Variants in ERBB4 observed in about 807,000 individuals in gnomAD.
The protein encoded by ERBB4 is erb-b2 receptor tyrosine kinase 4.
Under a neutral mutation model 158.0 loss-of-function variants are expected in ERBB4, and 42 were observed. That is an observed-to-expected ratio of 0.27 (90% confidence interval 0.21 to 0.34). ERBB4 has a LOEUF of 0.34. ERBB4 is among the 10% of genes least tolerant of loss of function. ERBB4 has a pLI of 1.00. For synonymous variants in ERBB4, 583 were observed against 558.7 expected (o/e 1.04, Z -0.61); for missense variants, 1,333 against 1,624.1 (o/e 0.82, Z 3.08).
Position 211,866,048 on chromosome 2 carries a change from G to A in ERBB4, c.422-77889C>T, listed in dbSNP as rs572010204. Among the ~76,000 whole-genome samples the A allele has an allele frequency of 3.3e-5, 5 of 152,184 alleles. No individual in the cohort carries two copies. The East Asian group carries it at 9.7e-4, about 29-fold the overall frequency. On this transcript the variant is annotated intron_variant, in intron 3 of 27. Coordinates refer to ENST00000342788, the MANE Select transcript of ERBB4 (RefSeq NM_005235.3). Reference sequence around the variant, plus strand: ...GACCTATAAAAACTATCAGGAGAACGAGACCATCCTGGCTAACACAGTGAA... The same window carrying A: ...GACCTATAAAAACTATCAGGAGAACAAGACCATCCTGGCTAACACAGTGAA...
intron 1 of ERBB4, among the ~76,000 whole-genome samples, chr2:212,441,082 T>C (rs774776624): frequency 3.3e-5 from 5 of 152,272 alleles, no homozygotes; most frequent in Non-Finnish European, 7.4e-5. Flanking sequence ...CAAGTGTTTA[T>C]TGTTAAAGTG....
chr2:211,907,519 G>T, intron 3 of ERBB4, among the ~76,000 whole-genome samples: 1 of 150,848 alleles, frequency 6.6e-6, no homozygotes, highest in African/African-American at 2.4e-5. Context: ...GTGATTATTT[G>T]TCTTGGAAGA....
At chr2:211,470,034 C>T (rs556757818) in intron 20 of ERBB4, among the ~76,000 whole-genome samples, 1 of 151,932 alleles carries the variant, frequency 6.6e-6, no homozygotes, top group Non-Finnish European at 1.5e-5. Context: ...TAGGTTCTTT[C>T]CTTTTATTTA....
chr2:212,070,105 G>C (rs1415806895), intron 2 of ERBB4, among the ~76,000 whole-genome samples: 2 of 151,924 alleles, frequency 1.3e-5, no homozygotes, highest in African/African-American at 4.8e-5. Flanking sequence ...GGCTGACAGA[G>C]TAAGACCTTG....
chr2:211,658,908 C>G (rs541033282), intron 15 of ERBB4, among the ~76,000 whole-genome samples: 1 of 152,104 alleles, frequency 6.6e-6, no homozygotes, highest in East Asian at 1.9e-4. Context: ...TTATCTTTTC[C>G]TTTTCTCCCA....
At chr2:211,936,693 A>G (rs1446694196) in intron 3 of ERBB4, among the ~76,000 whole-genome samples, 1 of 152,116 alleles carries the variant, frequency 6.6e-6, no homozygotes, top group East Asian at 1.9e-4. Flanking sequence ...TAAGAGAACA[A>G]AGTTTAAGAA....
At chr2:212,259,973 G>A (rs538881207) in intron 1 of ERBB4, among the ~76,000 whole-genome samples, 1 of 151,884 alleles carries the variant, frequency 6.6e-6, no homozygotes, top group Non-Finnish European at 1.5e-5. Context: ...AGAGGCTGAG[G>A]CAGGAGAATC....
intron 4 of ERBB4, among the ~76,000 whole-genome samples, chr2:211,774,545 C>T (rs748984809): frequency 1.3e-5 from 2 of 152,132 alleles, no homozygotes; most frequent in South Asian, 2.1e-4. Context: ...GCTGAACCCT[C>T]GTCTGGCCAG....
At chr2:212,459,645 C>A (rs556915088) in intron 1 of ERBB4, among the ~76,000 whole-genome samples, 5 of 152,000 alleles carry the variant, frequency 3.3e-5, no homozygotes, top group African/African-American at 1.2e-4. Context: ...CTATCTTGAC[C>A]AAAAAAAGAA....
chr2:212,296,872 C>T (rs1298639410), intron 1 of ERBB4, among the ~76,000 whole-genome samples: 1 of 151,954 alleles, frequency 6.6e-6, no homozygotes, highest in Non-Finnish European at 1.5e-5. Context: ...GTCTTTGCAA[C>T]CCTCAAAACT....
intron 3 of ERBB4, among the ~76,000 whole-genome samples, chr2:211,851,852 A>G (rs1261285306): frequency 6.6e-6 from 1 of 151,868 alleles, no homozygotes; most frequent in Non-Finnish European, 1.5e-5. Context: ...AGCTAAAGAG[A>G]TATGAGCAAA....
At chr2:212,349,398 C>A (rs1433886997) in intron 1 of ERBB4, among the ~76,000 whole-genome samples, 1 of 151,968 alleles carries the variant, frequency 6.6e-6, no homozygotes, top group East Asian at 1.9e-4. Flanking sequence ...CATTTCCACA[C>A]ACTGGAAAGG....
At chr2:211,913,282 C>T (rs1390640077) in intron 3 of ERBB4, among the ~76,000 whole-genome samples, 1 of 151,958 alleles carries the variant, frequency 6.6e-6, no homozygotes, top group Admixed American at 6.6e-5. Flanking sequence ...CTTTTGAGGA[C>T]AATTTGTACA....
chr2:211,382,177 C>A lies in ERBB4; in HGVS notation c.*1438G>T. On this transcript the variant is annotated 3_prime_UTR_variant, in exon 28 of 28. Coordinates refer to ENST00000342788, the MANE Select transcript of ERBB4 (RefSeq NM_005235.3). Reference sequence around the variant, plus strand: ...GTTTGTGTTTTTCTTTTTATTATACCAATTTATGTGCAAAGAGTTACCTTC... The same window carrying A: ...GTTTGTGTTTTTCTTTTTATTATACAAATTTATGTGCAAAGAGTTACCTTC... The A allele has an allele frequency of 4.3e-6, 1 of 230,844 alleles. No homozygotes were observed. The highest frequency in any genetic ancestry group is 6.2e-5 in the East Asian group (1 of 16,246). The allele number at this position is 230,844 out of a possible 1,614,324, so 14.3% of individuals were successfully genotyped here.
At chr2:212,338,860 T>C (rs923843690) in intron 1 of ERBB4, among the ~76,000 whole-genome samples, 3 of 152,122 alleles carry the variant, frequency 2.0e-5, no homozygotes, top group African/African-American at 7.2e-5. Context: ...TAACACGAAA[T>C]TAATTATACA....
intron 25 of ERBB4, among the ~76,000 whole-genome samples, chr2:211,388,638 CT>C (rs2062738294): frequency 6.6e-6 from 1 of 151,416 alleles, no homozygotes; most frequent in Non-Finnish European, 1.5e-5. Context: ...TGAAAACATG[CT>C]TTAGATTCCC....
At chr2:212,042,339 T>C (rs1032186009) in intron 2 of ERBB4, among the ~76,000 whole-genome samples, 6 of 152,096 alleles carry the variant, frequency 3.9e-5, no homozygotes, top group East Asian at 1.9e-4. Flanking sequence ...TACAGCAAAA[T>C]TGTTTAGACT....
chr2:211,933,459 T>G (rs1431147695), intron 3 of ERBB4, among the ~76,000 whole-genome samples: 2 of 152,070 alleles, frequency 1.3e-5, no homozygotes, highest in Non-Finnish European at 2.9e-5. Flanking sequence ...CATATCAAAT[T>G]TGATAATCTA....
At chr2:211,787,983 G>C in intron 4 of ERBB4, 42 bp downstream of exon 4, 1 of 1,592,322 alleles carries the variant, frequency 6.3e-7, no homozygotes, top group Non-Finnish European at 8.6e-7. Flanking sequence ...CGCCACATAG[G>C]GTAGAACATT....
Sources: gnomAD v4.1 joint callset for allele counts (sites outside exome capture counted in the v4.1 genomes callset) on GRCh38, gnomAD v4.1.1 for gene constraint, MANE v1.5 for transcripts, NCBI Gene and HGNC (gene_info 2026-07-23, HGNC 2026-07-21) for gene names.